The following TEX9 variants were observed in gnomAD, a reference collection of about 807,000 sequenced individuals.
The protein encoded by TEX9 is testis expressed 9, also known as testis-expressed protein 9.
TEX9 carries 74 observed loss-of-function variants against 59.6 expected under a neutral mutation model. That is an observed-to-expected ratio of 1.24 (90% CI 1.03 to 1.51). TEX9 has a LOEUF of 1.51. TEX9 is among the 40% of genes most tolerant of loss of function. The probability of loss-of-function intolerance (pLI) is 0.00; values close to 1 mark genes in which losing one functional copy is unlikely to be tolerated. For missense variants in TEX9, 522 were observed against 447.8 expected (o/e 1.17, Z -1.49); for synonymous variants, 186 against 152.2 (o/e 1.22, Z -1.64).
At chr15:56,318,572 C>T (rs1439782523) in intron 1 of TEX9, among the ~76,000 whole-genome samples, 3 of 151,978 alleles carry the variant, frequency 2.0e-5, no homozygotes, top group Non-Finnish European at 2.9e-5. Flanking sequence ...CATTTGTTTT[C>T]TATATGTCTT....
At chr15:56,403,649 AC>A (rs2048916984) in intron 9 of TEX9, among the ~76,000 whole-genome samples, 1 of 152,214 alleles carries the variant, frequency 6.6e-6, no homozygotes, top group Non-Finnish European at 1.5e-5. Flanking sequence ...TTCACGTGGA[AC>A]CAAAAAAGAG....
intron 1 of TEX9, among the ~76,000 whole-genome samples, chr15:56,258,890 G>GT (rs2044202928): frequency 6.7e-6 from 1 of 149,334 alleles, no homozygotes; most frequent in African/African-American, 2.5e-5. Context: ...GGATATATAT[G>GT]AATATATATG....
At chr15:56,393,925 G>A in intron 7 of TEX9, 1 of 312,918 alleles carries the variant, frequency 3.2e-6, no homozygotes, top group South Asian at 4.4e-5. Context: ...CCTGGTGCGT[G>A]TGAATTTAGT....
intron 1 of TEX9, among the ~76,000 whole-genome samples, chr15:56,329,767 A>G (rs942672923): frequency 1.3e-5 from 2 of 152,160 alleles, no homozygotes; most frequent in Non-Finnish European, 2.9e-5. Flanking sequence ...AAAAAAGAAT[A>G]AAAAACAATG....
chr15:56,413,213 TTAAA>T (rs1279956125), intron 10 of TEX9, among the ~76,000 whole-genome samples: 8 of 145,924 alleles, frequency 5.5e-5, no homozygotes, highest in African/African-American at 1.8e-4. Flanking sequence ...TATTTAATAA[TTAAA>T]TAATTTAATT....
intron 12 of TEX9, chr15:56,429,218 T>G: frequency 7.1e-7 from 1 of 1,400,138 alleles, no homozygotes; most frequent in Non-Finnish European, 9.9e-7. Context: ...CTTTGTGGGT[T>G]ACTTTTGAAT....
intron 1 of TEX9, among the ~76,000 whole-genome samples, chr15:56,316,620 C>G (rs2045773633): frequency 6.6e-6 from 1 of 152,102 alleles, no homozygotes; most frequent in South Asian, 2.1e-4. Context: ...TGCGCCCTGC[C>G]CCCAGAGGTG....
At chr15:56,346,522 G>T (rs2046473212) in intron 1 of TEX9, among the ~76,000 whole-genome samples, 3 of 152,124 alleles carry the variant, frequency 2.0e-5, no homozygotes, top group Admixed American at 2.0e-4. Context: ...ACTTCCATTT[G>T]CTACTCTGAT....
At chr15:56,339,074 T>C (rs1338768295) in intron 1 of TEX9, among the ~76,000 whole-genome samples, 3 of 151,676 alleles carry the variant, frequency 2.0e-5, no homozygotes, top group Non-Finnish European at 4.4e-5. Context: ...TTTCAAACTA[T>C]GTTATGAAAA....
intron 1 of TEX9, among the ~76,000 whole-genome samples, chr15:56,272,630 G>T (rs1230930737): frequency 6.6e-6 from 1 of 152,158 alleles, no homozygotes; most frequent in Non-Finnish European, 1.5e-5. Context: ...ATATACATAG[G>T]AGTAGAACGG....
chr15:56,352,087 A>C (rs993404962), intron 1 of TEX9, among the ~76,000 whole-genome samples: 29 of 152,216 alleles, frequency 1.9e-4, no homozygotes, highest in Non-Finnish European at 1.3e-4. Context: ...GCTATTCTAA[A>C]ATGAACAAGA....
intron 1 of TEX9, among the ~76,000 whole-genome samples, chr15:56,286,323 C>T (rs2044952049): frequency 6.6e-6 from 1 of 152,130 alleles, no homozygotes; most frequent in Non-Finnish European, 1.5e-5. Flanking sequence ...AAAGATCTAC[C>T]TCAGACTAAA....
chr15:56,293,909 A>G (rs1473420683), intron 1 of TEX9, among the ~76,000 whole-genome samples: 2 of 152,256 alleles, frequency 1.3e-5, no homozygotes, highest in African/African-American at 2.4e-5. Flanking sequence ...GTATTAAACC[A>G]TAGCTGTGAA....
chr15:56,429,843 T>C, intron 12 of TEX9: 1 of 152,232 alleles, frequency 6.6e-6, no homozygotes, highest in East Asian at 1.9e-4. Context: ...CATTTTTGGA[T>C]ATCAAGTTTA....
chr15:56,267,508 C>T (rs1391545787), intron 1 of TEX9, among the ~76,000 whole-genome samples: 6 of 152,002 alleles, frequency 3.9e-5, no homozygotes, highest in East Asian at 1.9e-4. Context: ...TTTCGTATAA[C>T]GTGTAAGGAA....
intron 12 of TEX9, among the ~76,000 whole-genome samples, chr15:56,433,530 G>A (rs920350935): frequency 5.9e-5 from 9 of 152,012 alleles, no homozygotes; most frequent in Admixed American, 2.0e-4. Flanking sequence ...CATCAATTCC[G>A]TATCCTTAAC....
intron 10 of TEX9, among the ~76,000 whole-genome samples, chr15:56,413,894 A>AAGATGTCGTCTGTG (rs1162449308): frequency 6.6e-6 from 1 of 151,758 alleles, no homozygotes; most frequent in Non-Finnish European, 1.5e-5. Context: ...ACAGAGTTTT[A>AAGATGTCGTCTGTG]AGATGTCGTC....
At chr15:56,399,098 T>C (rs1309365131) in intron 9 of TEX9, among the ~76,000 whole-genome samples, 1 of 152,194 alleles carries the variant, frequency 6.6e-6, no homozygotes, top group Non-Finnish European at 1.5e-5. Context: ...TTCATCTCAC[T>C]GGGACTGATT....
chr15:56,364,568 TC>T, upstream of TEX9, among the ~76,000 whole-genome samples: 1 of 152,196 alleles, frequency 6.6e-6, no homozygotes, highest in Non-Finnish European at 1.5e-5. Flanking sequence ...ACCAACAGTT[TC>T]TTTGAAGAGC....
Sources: gnomAD v4.1 joint callset for allele counts (sites outside exome capture counted in the v4.1 genomes callset) on GRCh38, gnomAD v4.1.1 for gene constraint, MANE v1.5 for transcripts, NCBI Gene and HGNC (gene_info 2026-07-23, HGNC 2026-07-21) for gene names.